The following CR1 variants were observed in gnomAD, a reference collection of about 807,000 sequenced individuals.
CR1 encodes the protein complement receptor type 1.
A neutral mutation model predicts 187.3 loss-of-function variants in CR1; 116 were observed. The observed-to-expected ratio is 0.62, with a 90% confidence interval of 0.53 to 0.72. CR1 has a LOEUF of 0.72. Among genes scored for constraint, CR1 ranks in the 30% least tolerant of loss-of-function variants. CR1 has a pLI of 0.00. For missense variants in CR1, 1,731 were observed against 2,110.7 expected, an observed-to-expected ratio of 0.82 and a Z score of 3.52; for synonymous variants, 576 against 747.1, an observed-to-expected ratio of 0.77 and a Z score of 3.73.
At chr1:207,627,268 A>C (rs1662511522) in intron 45 of CR1, among the ~76,000 whole-genome samples, 2 of 152,126 alleles carry the variant, frequency 1.3e-5, no homozygotes, top group African/African-American at 4.8e-5. Context: ...ATTATAATTA[A>C]TTAAATAATT....
At chr1:207,591,532 A>G (rs1288227597) in intron 35 of CR1, among the ~76,000 whole-genome samples, 1 of 152,182 alleles carries the variant, frequency 6.6e-6, no homozygotes, top group Non-Finnish European at 1.5e-5. Context: ...TGACATCGCA[A>G]TTAAAGAACT....
chr1:207,604,514 A>C (rs1046272422), intron 35 of CR1, among the ~76,000 whole-genome samples: 1 of 152,226 alleles, frequency 6.6e-6, no homozygotes, highest in African/African-American at 2.4e-5. Flanking sequence ...TGAGGCAGAG[A>C]TCTAGCTTAG....
intron 23 of CR1, 65 bp downstream of exon 23, chr1:207,564,299 G>A: frequency 1.3e-6 from 2 of 1,593,610 alleles, no homozygotes; most frequent in African/African-American, 1.6e-5. Context: ...TCTAAAAAGG[G>A]GAGATTTGGT....
chr1:207,603,016 T>C (rs1661648874), intron 35 of CR1, among the ~76,000 whole-genome samples: 1 of 152,046 alleles, frequency 6.6e-6, no homozygotes, highest in African/African-American at 2.4e-5. Flanking sequence ...GATATAATAT[T>C]TTATTTAAAA....
At chr1:207,617,439 TG>T (rs1482091731) in intron 41 of CR1, among the ~76,000 whole-genome samples, 1 of 141,026 alleles carries the variant, frequency 7.1e-6, no homozygotes, top group Non-Finnish European at 1.5e-5. Context: ...TGTATACCTA[TG>T]TATCAAACCT....
intron 27 of CR1, among the ~76,000 whole-genome samples, chr1:207,574,321 A>G (rs1270046716): frequency 6.6e-6 from 1 of 152,208 alleles, no homozygotes; most frequent in Non-Finnish European, 1.5e-5. Context: ...CGCAAAAGAA[A>G]TAAGTTTATT....
rs1055948086 is a variant in CR1 at position 207,525,269 on chromosome 1, G to A, written c.886+1260G>A. Among the ~76,000 whole-genome samples the A allele has an allele frequency of 4.0e-5, 6 of 151,578 alleles. No individual in the cohort carries two copies. The South Asian group carries it at 6.2e-4, about 16-fold the overall frequency. On this transcript the variant is annotated intron_variant, in intron 5 of 46. Coordinates refer to ENST00000367049, the MANE Select transcript of CR1 (RefSeq NM_000651.6). The stretch of plus-strand genomic sequence containing the variant: ...AGGGGACATAGAGCCAAATCATATC[G>A]CAGCTAATAGGTCACAAAAATGTTA...
At position 207,496,209 on chromosome 1, in the gene CR1, T is replaced by G. The variant is rs1659074106; in HGVS notation, c.-59T>G. ...GGTCACTCCTATTTTCGCTGAGCTT[T>G]TCCTCTTATTTCAGTTTTCTTCGAG... On this transcript the variant is annotated 5_prime_UTR_variant, in exon 1 of 47. Coordinates refer to ENST00000367049, the MANE Select transcript of CR1 (RefSeq NM_000651.6). The G allele has an allele frequency of 6.2e-7, 1 of 1,612,826 alleles. No homozygotes were observed. Among genetic ancestry groups the G allele is most frequent in the Non-Finnish European group, 8.5e-7 (1 of 1,179,536 alleles).
chr1:207,578,156 GC>G lies in CR1; in HGVS notation c.4891del (p.Gln1631ArgfsTer3), dbSNP rs1660821363. On this transcript the variant is annotated frameshift_variant, in exon 29 of 47. Transcript: ENST00000367049. LOFTEE classifies it high-confidence loss of function. ...ATGAAAGGACCCCGCCGTGTGAAGT[GC>G]CAGGCCCTGAACAAATGGGAGCCAG... ...FVMKGPRRVK[C>X]QALNKWEPEL... The G allele has an allele frequency of 6.2e-7, 1 of 1,611,730 alleles. No homozygotes were observed.
intron 45 of CR1, among the ~76,000 whole-genome samples, chr1:207,627,059 T>A (rs1264332928): frequency 6.6e-6 from 1 of 151,628 alleles, no homozygotes; most frequent in Non-Finnish European, 1.5e-5. Context: ...ATAAATAAAT[T>A]AAATAAAATA....
At chr1:207,576,705 C>A (rs1282533487) in intron 28 of CR1, among the ~76,000 whole-genome samples, 5 of 152,074 alleles carry the variant, frequency 3.3e-5, no homozygotes, top group Admixed American at 1.3e-4. Context: ...GTAGTCCCAA[C>A]TACTCGGGAG....
chr1:207,639,322 T>A (rs1211569399), intron 46 of CR1, 75 bp from the exon 47 acceptor site: 1 of 1,377,658 alleles, frequency 7.3e-7, no homozygotes, highest in Non-Finnish European at 1.0e-6. Context: ...ATCCAAAGCT[T>A]ATCAGCCTGT....
At chr1:207,521,622 T>TC (rs1659996279) in intron 4 of CR1, among the ~76,000 whole-genome samples, 1 of 139,924 alleles carries the variant, frequency 7.1e-6, no homozygotes, top group African/African-American at 2.6e-5. Context: ...TCTGCCCTCT[T>TC]CCTTTTTTTT....
intron 1 of CR1, among the ~76,000 whole-genome samples, chr1:207,504,430 A>G (rs1572988003): frequency 6.6e-6 from 1 of 152,302 alleles, no homozygotes; most frequent in Admixed American, 6.5e-5. Context: ...CAAAATATAT[A>G]AAATAAAAGA....
At chr1:207,518,522 GA>G (rs1437594323) in intron 4 of CR1, among the ~76,000 whole-genome samples, 2 of 152,180 alleles carry the variant, frequency 1.3e-5, no homozygotes, top group African/African-American at 4.8e-5. Flanking sequence ...TGGCTTCAAA[GA>G]AGAGAAATTT....
chr1:207,515,783 T>C (rs1386575201), intron 4 of CR1, among the ~76,000 whole-genome samples: 2 of 152,222 alleles, frequency 1.3e-5, no homozygotes, highest in Admixed American at 1.3e-4. Flanking sequence ...CTAATAAATG[T>C]AACACAAATA....
intron 35 of CR1, among the ~76,000 whole-genome samples, chr1:207,605,071 C>A (rs927089967): frequency 2.0e-5 from 3 of 151,882 alleles, no homozygotes; most frequent in African/African-American, 7.3e-5. Flanking sequence ...CTAGGCTGGG[C>A]AAAATGGCAA....
intron 46 of CR1, among the ~76,000 whole-genome samples, chr1:207,632,367 G>A (rs1421284021): frequency 6.6e-6 from 1 of 152,008 alleles, no homozygotes; most frequent in Non-Finnish European, 1.5e-5. Flanking sequence ...AAAATGGCAT[G>A]GTTTCCTAGA....
At chr1:207,504,452 A>G (rs1474905494) in intron 1 of CR1, among the ~76,000 whole-genome samples, 1 of 152,104 alleles carries the variant, frequency 6.6e-6, no homozygotes, top group Non-Finnish European at 1.5e-5. Flanking sequence ...GGACAACATT[A>G]TAAAAAGAAA....
Sources: gnomAD v4.1 joint callset for allele counts (sites outside exome capture counted in the v4.1 genomes callset) on GRCh38, gnomAD v4.1.1 for gene constraint, MANE v1.5 for transcripts, NCBI Gene and HGNC (gene_info 2026-07-23, HGNC 2026-07-21) for gene names.